Variants in CNBD1 observed in about 807,000 individuals in gnomAD.
CNBD1 encodes cyclic nucleotide-binding domain-containing protein 1.
A neutral mutation model predicts 54.4 loss-of-function variants in CNBD1; 71 were observed. That is an observed-to-expected ratio of 1.30 (90% CI 1.08 to 1.59). The LOEUF (loss-of-function observed/expected upper bound fraction) is 1.59. CNBD1 is among the 40% of genes most tolerant of loss of function. The probability of loss-of-function intolerance (pLI) is 0.00; values close to 1 mark genes in which losing one functional copy is unlikely to be tolerated. For missense variants in CNBD1, 659 were observed against 518.0 expected, an observed-to-expected ratio of 1.27 and a Z score of -2.64; for synonymous variants, 182 against 170.7, an observed-to-expected ratio of 1.07 and a Z score of -0.51.
At chr8:87,428,623 A>T in intron 3 of CNBD1, 1 of 452,946 alleles carries the variant, frequency 2.2e-6, no homozygotes, top group Non-Finnish European at 4.4e-6. Flanking sequence ...TGTAAGTAAA[A>T]TGTTCAAGTT....
At chr8:87,326,365 G>A (rs1226625802) in intron 8 of CNBD1, among the ~76,000 whole-genome samples, 1 of 125,458 alleles carries the variant, frequency 8.0e-6, no homozygotes, top group East Asian at 2.0e-4. Context: ...TGCTAGATTG[G>A]GGAAGTTCTC....
At chr8:87,264,844 G>T (rs2130852215) in intron 6 of CNBD1, among the ~76,000 whole-genome samples, 1 of 152,112 alleles carries the variant, frequency 6.6e-6, no homozygotes, top group East Asian at 1.9e-4. Flanking sequence ...TGTTGATGGG[G>T]TTGTTTGTTT....
intron 4 of CNBD1, among the ~76,000 whole-genome samples, chr8:87,104,259 G>C (rs976856149): frequency 6.6e-6 from 1 of 152,194 alleles, no homozygotes; most frequent in African/African-American, 2.4e-5. Context: ...GAACAAAAGA[G>C]TCAAGATATT....
At chr8:87,284,129 G>A (rs1467966168) in intron 6 of CNBD1, among the ~76,000 whole-genome samples, 1 of 151,932 alleles carries the variant, frequency 6.6e-6, no homozygotes, top group Non-Finnish European at 1.5e-5. Flanking sequence ...AAATATAAAT[G>A]TAGGTTCTCT....
chr8:87,403,652 G>A (rs914130585), intron 2 of CNBD1, among the ~76,000 whole-genome samples: 1 of 151,720 alleles, frequency 6.6e-6, no homozygotes, highest in Non-Finnish European at 1.5e-5. Flanking sequence ...CTCATTAAAG[G>A]GAAGTAGCTT....
chr8:87,010,228 G>T (rs1375286557), intron 4 of CNBD1, among the ~76,000 whole-genome samples: 2 of 151,948 alleles, frequency 1.3e-5, no homozygotes, highest in Non-Finnish European at 2.9e-5. Flanking sequence ...CACTTCCCTT[G>T]GTACTTCAAA....
intron 2 of CNBD1, among the ~76,000 whole-genome samples, chr8:87,421,609 C>A (rs1218734229): frequency 6.6e-6 from 1 of 152,012 alleles, no homozygotes; most frequent in Non-Finnish European, 1.5e-5. Flanking sequence ...ATGAACTCAT[C>A]ATTTTTATGG....
intron 4 of CNBD1, among the ~76,000 whole-genome samples, chr8:87,092,161 C>G (rs1328620327): frequency 6.6e-6 from 1 of 152,096 alleles, no homozygotes; most frequent in Non-Finnish European, 1.5e-5. Context: ...TCACCTCTAA[C>G]TCTAGTCTGC....
chr8:87,299,743 AG>A (rs1377458091), intron 8 of CNBD1, among the ~76,000 whole-genome samples: 2 of 152,188 alleles, frequency 1.3e-5, no homozygotes, highest in South Asian at 2.1e-4. Context: ...TGTTAGAAAA[AG>A]GTACTACTTT....
At chr8:86,962,429 A>G (rs1018286928) in intron 4 of CNBD1, among the ~76,000 whole-genome samples, 1 of 152,122 alleles carries the variant, frequency 6.6e-6, no homozygotes, top group African/African-American at 2.4e-5. Flanking sequence ...GGCCATTTGA[A>G]TTCTTGGAGG....
At chr8:87,330,864 A>C (rs912908675) in intron 8 of CNBD1, among the ~76,000 whole-genome samples, 4 of 152,158 alleles carry the variant, frequency 2.6e-5, no homozygotes, top group African/African-American at 9.6e-5. Flanking sequence ...TATATATAAA[A>C]TGTACATAAT....
intron 4 of CNBD1, among the ~76,000 whole-genome samples, chr8:87,144,707 G>C (rs1158775756): frequency 6.6e-6 from 1 of 151,932 alleles, no homozygotes; most frequent in Non-Finnish European, 1.5e-5. Flanking sequence ...TGTAATCCCA[G>C]CTACTTGGGA....
At chr8:87,098,759 C>G (rs1319408433) in intron 4 of CNBD1, among the ~76,000 whole-genome samples, 1 of 150,912 alleles carries the variant, frequency 6.6e-6, no homozygotes, top group Non-Finnish European at 1.5e-5. Context: ...ACTCCTGGGC[C>G]AGGCGCAGTG....
chr8:87,363,682 C>A (rs1810572456), intron 10 of CNBD1, among the ~76,000 whole-genome samples: 1 of 151,872 alleles, frequency 6.6e-6, no homozygotes, highest in African/African-American at 2.4e-5. Context: ...ATACTTTTCG[C>A]CCACTTTTTG....
At chr8:87,254,294 T>C (rs1017399517) in intron 6 of CNBD1, among the ~76,000 whole-genome samples, 9 of 152,074 alleles carry the variant, frequency 5.9e-5, no homozygotes, top group Admixed American at 5.2e-4. Context: ...TCCAGAGAGA[T>C]AGTTGGAAAA....
At chr8:87,235,145 G>T (rs551251673) in intron 5 of CNBD1, among the ~76,000 whole-genome samples, 1 of 152,104 alleles carries the variant, frequency 6.6e-6, no homozygotes, top group Non-Finnish European at 1.5e-5. Context: ...CCTTGTTCTG[G>T]ATTAGGTTTC....
rs185384231 is a variant in CNBD1 at position 86,912,055 on chromosome 8, T to G, written c.272+6861T>G. Among the ~76,000 whole-genome samples the G allele has an allele frequency of 1.0e-3, 154 of 152,236 alleles. No individual in the cohort carries two copies. In the Middle Eastern group the frequency reaches 0.017, roughly 17 times the overall value. The stretch of plus-strand genomic sequence containing the variant: ...GTCAGTATTACGCAAAATGTGACAT[T>G]TTTATGGGGGTGGAAATTGAAGTAT... On this transcript the variant is annotated intron_variant, in intron 3 of 10. Transcript: ENST00000518476.
At chr8:87,290,995 T>A (rs2130874710) in intron 8 of CNBD1, among the ~76,000 whole-genome samples, 1 of 152,216 alleles carries the variant, frequency 6.6e-6, no homozygotes, top group Admixed American at 6.5e-5. Context: ...TAGCCCTATT[T>A]ATTACTAATC....
chr8:87,128,743 C>A (rs1277549946), intron 4 of CNBD1, among the ~76,000 whole-genome samples: 1 of 151,652 alleles, frequency 6.6e-6, no homozygotes, highest in African/African-American at 2.4e-5. Context: ...AGTATATTGT[C>A]TTTTTATATA....
Sources: gnomAD v4.1 joint callset for allele counts (sites outside exome capture counted in the v4.1 genomes callset) on GRCh38, gnomAD v4.1.1 for gene constraint, MANE v1.5 for transcripts, NCBI Gene and HGNC (gene_info 2026-07-23, HGNC 2026-07-21) for gene names.